The following DLG2 variants were observed in gnomAD, a reference collection of about 807,000 sequenced individuals.
DLG2 encodes the protein discs large MAGUK scaffold protein 2, also known as disks large homolog 2.
A neutral mutation model predicts 132.5 loss-of-function variants in DLG2; 45 were observed. The ratio of observed to expected loss-of-function variants is 0.34; its 90% confidence interval spans 0.27 to 0.44. The LOEUF (loss-of-function observed/expected upper bound fraction) is 0.44. Among genes scored for constraint, DLG2 ranks in the 20% least tolerant of loss-of-function variants. The pLI is 1.00. For synonymous variants in DLG2, 424 were observed against 419.6 expected, an observed-to-expected ratio of 1.01 and a Z score of -0.13; for missense variants, 1,045 against 1,196.9, an observed-to-expected ratio of 0.87 and a Z score of 1.87.
intron 3 of DLG2, among the ~76,000 whole-genome samples, chr11:85,380,587 G>A (rs764006388): frequency 1.3e-5 from 2 of 152,210 alleles, no homozygotes; most frequent in Non-Finnish European, 2.9e-5. Context: ...TTGAACCTAG[G>A]AGGCGGAGGT....
intron 3 of DLG2, among the ~76,000 whole-genome samples, chr11:85,471,821 G>C (rs535633597): frequency 1.1e-4 from 17 of 151,992 alleles, no homozygotes; most frequent in Non-Finnish European, 2.1e-4. Context: ...TTGATAAAAA[G>C]ACATGATTTT....
chr11:84,409,974 G>C (rs114838670), intron 7 of DLG2, among the ~76,000 whole-genome samples: 2,199 of 152,146 alleles, frequency 0.014, 57 homozygotes, highest in African/African-American at 0.05. Context: ...GACTCAAGAG[G>C]CTATTCAATG....
chr11:84,857,031 TAAG>T (rs1419289563), intron 6 of DLG2, among the ~76,000 whole-genome samples: 14 of 151,200 alleles, frequency 9.3e-5, no homozygotes, highest in East Asian at 2.0e-4. Flanking sequence ...AAGGTCAAAG[TAAG>T]AAGAAGTTTG....
In DLG2 at chr11:84,988,824, A is replaced by C. The variant is rs184818556; in HGVS notation, c.357+122837T>G. 1.3e-4 allele frequency among the ~76,000 whole-genome samples: 20 copies of C among 152,292 alleles called. No individual in the cohort carries two copies. In the East Asian group the frequency reaches 3.5e-3, roughly 26 times the overall value. The stretch of plus-strand genomic sequence containing the variant: ...AAATCTCACAAATCACCACTACAGA[A>C]CTTACTCACGTAACCAGACATCACC... On this transcript the variant is annotated intron_variant, in intron 6 of 27. Coordinates refer to ENST00000376104, the MANE Select transcript of DLG2 (RefSeq NM_001142699.3).
chr11:85,123,688 C>T (rs2074714957), intron 5 of DLG2, among the ~76,000 whole-genome samples: 1 of 152,156 alleles, frequency 6.6e-6, no homozygotes, highest in Non-Finnish European at 1.5e-5. Context: ...ATTCCAAGAA[C>T]TCATTCATTT....
intron 7 of DLG2, among the ~76,000 whole-genome samples, chr11:84,344,070 C>G (rs183155612): frequency 6.6e-6 from 1 of 152,020 alleles, no homozygotes; most frequent in Non-Finnish European, 1.5e-5. Flanking sequence ...AGAATATAGC[C>G]TATCAAATAT....
chr11:83,582,810 T>C (rs550888191), intron 19 of DLG2, among the ~76,000 whole-genome samples: 31 of 152,356 alleles, frequency 2.0e-4, no homozygotes, highest in African/African-American at 6.0e-4. Flanking sequence ...TTATACTGTA[T>C]AGTTACAGAG....
chr11:84,719,331 A>G (rs2061545705), intron 6 of DLG2, among the ~76,000 whole-genome samples: 1 of 152,228 alleles, frequency 6.6e-6, no homozygotes, highest in African/African-American at 2.4e-5. Context: ...CAGTTATTTC[A>G]GATGAAGAAA....
chr11:83,570,266 T>C (rs1431125275), intron 19 of DLG2, among the ~76,000 whole-genome samples: 1 of 152,188 alleles, frequency 6.6e-6, no homozygotes, highest in African/African-American at 2.4e-5. Context: ...CTCTGAGACC[T>C]GTGATGTGTA....
chr11:84,860,434 G>A (rs1408852629), intron 6 of DLG2, among the ~76,000 whole-genome samples: 3 of 152,086 alleles, frequency 2.0e-5, no homozygotes, highest in African/African-American at 4.8e-5. Context: ...GGCTTCATTT[G>A]TAGGTAGAAT....
intron 6 of DLG2, among the ~76,000 whole-genome samples, chr11:84,830,688 C>A (rs2078922074): frequency 6.6e-6 from 1 of 151,404 alleles, no homozygotes; most frequent in East Asian, 2.0e-4. Flanking sequence ...CTGAAGCCTG[C>A]ATAAATGTAA....
In DLG2 at chr11:83,802,992, T is replaced by C. The variant is rs113986861; in HGVS notation, c.1723-16200A>G. Among the ~76,000 whole-genome samples, 66 of 152,252 alleles carry C rather than the reference T, an allele frequency of 4.3e-4. 1 individual carries two copies. Among genetic ancestry groups the C allele is most frequent in the African/African-American group, 1.6e-3 (65 of 41,560 alleles). On this transcript the variant is annotated intron_variant, in intron 17 of 27. Coordinates refer to ENST00000376104, the MANE Select transcript of DLG2 (RefSeq NM_001142699.3). ...AAGTAAATATGTTGTATCATAACAA[T>C]TTTAAAAGTCATACAAAAAAGTTTT...
intron 6 of DLG2, among the ~76,000 whole-genome samples, chr11:84,635,692 C>T: frequency 6.6e-6 from 1 of 152,066 alleles, no homozygotes; most frequent in East Asian, 1.9e-4. Context: ...CCTTCATACA[C>T]ATTATTTCAC....
intron 6 of DLG2, among the ~76,000 whole-genome samples, chr11:84,573,479 G>C (rs2099490848): frequency 6.6e-6 from 1 of 151,974 alleles, no homozygotes; most frequent in African/African-American, 2.4e-5. Context: ...AAATAAATAG[G>C]ATACCAAAAA....
intron 17 of DLG2, among the ~76,000 whole-genome samples, chr11:83,806,244 T>C (rs1450064069): frequency 2.0e-5 from 3 of 152,124 alleles, no homozygotes; most frequent in African/African-American, 7.2e-5. Flanking sequence ...TCTTTTATTA[T>C]TATTTTTCAG....
intron 6 of DLG2, among the ~76,000 whole-genome samples, chr11:85,084,440 G>A (rs473818): frequency 0.21 from 32,429 of 152,110 alleles, 3,888 homozygotes; most frequent in East Asian, 0.53. Flanking sequence ...TTTCTGTTGA[G>A]AGCAAGAGTG....
intron 19 of DLG2, among the ~76,000 whole-genome samples, chr11:83,578,598 A>G (rs2096920110): frequency 6.6e-6 from 1 of 152,178 alleles, no homozygotes; most frequent in Non-Finnish European, 1.5e-5. Context: ...CACTAGTCAA[A>G]AGAAAGTTGG....
At chr11:83,846,988 A>G (rs1461492132) in intron 16 of DLG2, among the ~76,000 whole-genome samples, 1 of 147,914 alleles carries the variant, frequency 6.8e-6, no homozygotes, top group East Asian at 2.0e-4. Flanking sequence ...CTTTTATTTC[A>G]TAATGTTTTG....
At chr11:84,583,855 C>T (rs2099522481) in intron 6 of DLG2, among the ~76,000 whole-genome samples, 1 of 151,938 alleles carries the variant, frequency 6.6e-6, no homozygotes, top group Non-Finnish European at 1.5e-5. Context: ...CATCATGATT[C>T]CATTTGATTT....
Sources: allele counts gnomAD v4.1 joint callset (sites outside exome capture counted in the v4.1 genomes callset), GRCh38; gene constraint gnomAD v4.1.1; transcripts MANE v1.5; gene names NCBI Gene and HGNC (gene_info 2026-07-23, HGNC 2026-07-21).